The following C19orf12 variants were observed in gnomAD, a reference collection of about 807,000 sequenced individuals.
C19orf12 encodes chromosome 19 open reading frame 12, also known as protein C19orf12.
In C19orf12, 2 loss-of-function variants were observed where a neutral mutation model predicts 3.8. The ratio of observed to expected loss-of-function variants is 0.53; its 90% CI spans 0.22 to 1.66. The LOEUF (loss-of-function observed/expected upper bound fraction) is 1.66, where lower values mean the gene tolerates loss of function less well. C19orf12 is among the 40% of genes most tolerant of loss of function. The pLI is 0.20. For synonymous variants in C19orf12, 89 were observed against 84.6 expected (o/e 1.05, Z -0.28); for missense variants, 156 against 188.8 (o/e 0.83, Z 1.02).
At position 29,701,900 on chromosome 19, in the gene C19orf12, C is replaced by T; in HGVS notation, c.*812G>A. On this transcript the variant is annotated 3_prime_UTR_variant, in exon 3 of 3. Transcript: ENST00000323670. Reference sequence around the variant, plus strand: ...ATGCAGTAAACATGACTTAGATGCACTGGGAAACTAAAACAATGCGCTTCC... The same window carrying T: ...ATGCAGTAAACATGACTTAGATGCATTGGGAAACTAAAACAATGCGCTTCC... 2.2e-6 allele frequency: 1 copy of T among 454,108 alleles called. No homozygotes were observed. The highest frequency in any genetic ancestry group is 1.6e-5 in the South Asian group (1 of 64,472). 28.1% of individuals were successfully genotyped at this position (454,108 alleles called of 1,614,324 possible).
At position 29,708,440 on chromosome 19, in the gene C19orf12, C is replaced by T; in HGVS notation, c.-10-17G>A. 6.2e-7 allele frequency: 1 copy of T among 1,612,348 alleles called. No individual in the cohort carries two copies. The highest frequency in any genetic ancestry group is 8.5e-7 in the Non-Finnish European group (1 of 1,179,978). ...GTGGCGGGCCTTCGAGGGAGAAGTT[C>T]AGAGGGACAGTTTCAATGAGCATAA... On this transcript the variant is annotated splice_polypyrimidine_tract_variant and intron_variant, in intron 1 of 2. Coordinates refer to ENST00000323670, the MANE Select transcript of C19orf12 (RefSeq NM_031448.6).
rs1483599530 is a variant in C19orf12, at chr19:29,708,327, C to T, written c.87G>A (p.Gly29=). The T allele has an allele frequency of 6.2e-7, 1 of 1,613,970 alleles. No homozygotes were observed. Among genetic ancestry groups the T allele is most frequent in the East Asian group, 2.2e-5 (1 of 44,884 alleles). ...RKMKAAVKHS[G]KGALVTGAMA... is the part of the protein sequence containing the mutation. ...TGGCCCCTGTGACCAGGGCACCCTT[C>T]CCAGAGTGCTTGACAGCCGCCTTCA... Residue 29 remains glycine, a synonymous_variant, in exon 2 of 3, where the codon GGG becomes GGA. Transcript: ENST00000323670.
At position 29,704,257 on chromosome 19, in the gene C19orf12, C is replaced by T. The variant is rs533796059; in HGVS notation, c.161-1280G>A. 3.3e-5 allele frequency among the ~76,000 whole-genome samples: 5 copies of T among 152,228 alleles called. No individual in the cohort carries two copies. In the East Asian group the frequency reaches 9.7e-4, roughly 29 times the overall value. On this transcript the variant is annotated intron_variant, in intron 2 of 2. Transcript: ENST00000323670. ...GGCCGAGGTGGGCGAATCACGAGGT[C>T]AGGAGTTGGAGACTAGCCTGGCCAA...
rs934757250 is a variant in C19orf12 at position 29,702,605 on chromosome 19, T to C, written c.*107A>G. ...CATTACTAGTAATACACTGATGATG[T>C]GGAGATTCCCCAGGGGGCATCCGCT... On this transcript the variant is annotated 3_prime_UTR_variant, in exon 3 of 3. Transcript: ENST00000323670. The C allele has an allele frequency of 7.0e-7, 1 of 1,432,836 alleles. No homozygotes were observed. Among genetic ancestry groups the C allele is most frequent in the Non-Finnish European group, 9.8e-7 (1 of 1,018,396 alleles). The allele number at this position is 1,432,836 out of a possible 1,614,324, so 88.8% of individuals were successfully genotyped here.
Position 29,702,643 on chromosome 19 carries a change from A to G in C19orf12, c.*69T>C, listed in dbSNP as rs756084324. ...GGGGGCATCCGCTGGGCTTCTCCCA[A>G]CTCCCAAGCCACCTCTTCAGAATCA... On this transcript the variant is annotated 3_prime_UTR_variant, in exon 3 of 3. Coordinates refer to ENST00000323670, the MANE Select transcript of C19orf12 (RefSeq NM_031448.6). 1.9e-5 allele frequency: 30 copies of G among 1,605,120 alleles called. No homozygotes were observed. The South Asian group carries it at 3.1e-4, about 17-fold the overall frequency.
intron 1 of C19orf12, among the ~76,000 whole-genome samples, chr19:29,710,066 C>T (rs562034415): frequency 4.0e-5 from 6 of 151,708 alleles, no homozygotes; most frequent in Admixed American, 3.9e-4. Flanking sequence ...GACAGGGTCT[C>T]GCAATGTTGC....
At chr19:29,712,773 A>T (rs1972749749) in intron 1 of C19orf12, among the ~76,000 whole-genome samples, 1 of 152,016 alleles carries the variant, frequency 6.6e-6, no homozygotes, top group Admixed American at 6.6e-5. Context: ...TTCTGCTCTA[A>T]CCTACCCTCT....
Position 29,715,171 on chromosome 19 carries a change from C to T in C19orf12, c.-57G>A. The T allele has an allele frequency of 1.8e-6, 1 of 552,292 alleles. No homozygotes were observed. Among genetic ancestry groups the T allele is most frequent in the Non-Finnish European group, 3.2e-6 (1 of 308,396 alleles). The allele number at this position is 552,292 out of a possible 1,614,324, so 34.2% of individuals were successfully genotyped here. ...CGGCGCGCTCGGCGATCAGACGCGG[C>T]TGCAGCCCGGGCCTGGCAGGCCCCG... is the stretch of plus-strand genomic sequence containing the variant. On this transcript the variant is annotated 5_prime_UTR_variant, in exon 1 of 3. Transcript: ENST00000323670.
At position 29,708,429 on chromosome 19, in the gene C19orf12, AG is replaced by A; in HGVS notation, c.-10-7del. 1 of 1,613,248 alleles carries A rather than the reference AG, an allele frequency of 6.2e-7. No individual in the cohort carries two copies. The highest frequency in any genetic ancestry group is 8.5e-7 in the Non-Finnish European group (1 of 1,180,008). On this transcript the variant is annotated splice_polypyrimidine_tract_variant and splice_region_variant and intron_variant, in intron 1 of 2. Transcript: ENST00000323670. ...TGATAGTCATCGTGGCGGGCCTTCGAGGGAGAAGTTCAGAGGGACAGTTTCA... is the reference window on the plus strand; with the variant it reads ...TGATAGTCATCGTGGCGGGCCTTCGAGGAGAAGTTCAGAGGGACAGTTTCA...
chr19:29,701,226 AAC>A lies in C19orf12; in HGVS notation c.*1484_*1485del, dbSNP rs770077934. On this transcript the variant is annotated 3_prime_UTR_variant, in exon 3 of 3. Transcript: ENST00000323670. ...GTCGTAGTTCTGAAAGCAAAGTGAA[AAC>A]ACACAGTACAGCTATGCCTCAGTAT... The A allele has an allele frequency of 5.7e-5, 26 of 454,136 alleles. No individual in the cohort carries two copies. Among genetic ancestry groups the A allele is most frequent in the South Asian group, 4.0e-4 (26 of 64,480 alleles). The allele number at this position is 454,136 out of a possible 1,614,324, so 28.1% of individuals were successfully genotyped here.
In C19orf12 at chr19:29,702,592, T is replaced by C. The variant is rs1192101895; in HGVS notation, c.*120A>G. On this transcript the variant is annotated 3_prime_UTR_variant, in exon 3 of 3. Coordinates refer to ENST00000323670, the MANE Select transcript of C19orf12 (RefSeq NM_031448.6). ...CTCTCCAGCGGGACATTACTAGTAA[T>C]ACACTGATGATGTGGAGATTCCCCA... 8 of 1,320,332 alleles carry C rather than the reference T, an allele frequency of 6.1e-6. No individual in the cohort carries two copies. Among genetic ancestry groups the C allele is most frequent in the Non-Finnish European group, 8.7e-6 (8 of 916,526 alleles). The allele number at this position is 1,320,332 out of a possible 1,614,324, so 81.8% of individuals were successfully genotyped here.
At chr19:29,712,196 G>A (rs1972715451) in intron 1 of C19orf12, among the ~76,000 whole-genome samples, 1 of 152,128 alleles carries the variant, frequency 6.6e-6, no homozygotes, top group African/African-American at 2.4e-5. Flanking sequence ...ACGAGGTCAA[G>A]AGATCGAGAC....
In C19orf12 at chr19:29,702,958, C is replaced by T. The variant is rs762116472; in HGVS notation, c.180G>A (p.Leu60=). 6 of 1,613,882 alleles carry T rather than the reference C, an allele frequency of 3.7e-6. No individual in the cohort carries two copies. The highest frequency in any genetic ancestry group is 2.2e-5 in the South Asian group (2 of 91,084). The change falls in exon 3 of 3, where the codon CTG becomes CTA. Residue 60 remains leucine, a synonymous_variant. Transcript: ENST00000323670. ...GLAVGGAVGG[L]LGAWMTSGQF... is the part of the protein sequence containing the mutation. ...GTCCACTTGTCATCCAGGCACCTAA[C>T]AGCCCCCCGACAGCCCCCCCTAGAA...
chr19:29,703,618 A>C (rs969983899), intron 2 of C19orf12, among the ~76,000 whole-genome samples: 8 of 151,642 alleles, frequency 5.3e-5, no homozygotes, highest in African/African-American at 1.9e-4. Context: ...ACCTCAGGTG[A>C]TCCGCCTACC....
At chr19:29,703,127 C>T in intron 2 of C19orf12, 150 bp from the exon 3 acceptor site, 4 of 1,027,700 alleles carry the variant, frequency 3.9e-6, no homozygotes, top group Non-Finnish European at 6.0e-6. Context: ...GCCTGCTCCG[C>T]CAGCCAGTGT....
chr19:29,712,830 C>A (rs184920164), intron 1 of C19orf12, among the ~76,000 whole-genome samples: 1 of 152,168 alleles, frequency 6.6e-6, no homozygotes, highest in Non-Finnish European at 1.5e-5. Context: ...CCCAGAACTT[C>A]AGTGATATCT....
chr19:29,714,865 C>T (rs1367460334), intron 1 of C19orf12: 2 of 656,738 alleles, frequency 3.0e-6, no homozygotes, highest in South Asian at 3.1e-5. Context: ...TGGGTGACAG[C>T]GAGCCAGGGC....
chr19:29,706,923 A>G (rs1353870968), intron 2 of C19orf12, among the ~76,000 whole-genome samples: 1 of 152,260 alleles, frequency 6.6e-6, no homozygotes, highest in East Asian at 1.9e-4. Flanking sequence ...GCCCCAGGCC[A>G]GGTAGACCTT....
rs945449401 is a variant in C19orf12 at position 29,699,879 on chromosome 19, C to T, written c.*2833G>A. The T allele has an allele frequency of 8.8e-6, 4 of 453,754 alleles. No individual in the cohort carries two copies. Among genetic ancestry groups the T allele is most frequent in the African/African-American group, 6.0e-5 (3 of 49,948 alleles). The allele number at this position is 453,754 out of a possible 1,614,324, so 28.1% of individuals were successfully genotyped here. On this transcript the variant is annotated 3_prime_UTR_variant, in exon 3 of 3. Transcript: ENST00000323670. ...TACAGATATATAAATACTAAAACCA[C>T]AGGAGCTGAGAAGCAGCGCTTGATT...
Sources: allele counts gnomAD v4.1 joint callset (sites outside exome capture counted in the v4.1 genomes callset), GRCh38; gene constraint gnomAD v4.1.1; transcripts MANE v1.5; gene names NCBI Gene and HGNC (gene_info 2026-07-23, HGNC 2026-07-21).